Variants in KCNH7 observed in about 807,000 individuals in gnomAD.
The protein encoded by KCNH7 is voltage-gated inwardly rectifying potassium channel KCNH7.
A neutral mutation model predicts 120.8 loss-of-function variants in KCNH7; 49 were observed. The ratio of observed to expected loss-of-function variants is 0.41; its 90% CI spans 0.32 to 0.51. The LOEUF is 0.51. Among genes scored for constraint, KCNH7 ranks in the 20% least tolerant of loss-of-function variants. KCNH7 has a pLI of 0.38. For missense variants in KCNH7, 1,097 were observed against 1,446.6 expected (o/e 0.76, Z 3.92); for synonymous variants, 547 against 516.1 (o/e 1.06, Z -0.81).
chr2:162,623,776 G>T (rs185785288), intron 2 of KCNH7, among the ~76,000 whole-genome samples: 1 of 152,104 alleles, frequency 6.6e-6, no homozygotes. Flanking sequence ...CAGTGAATGC[G>T]CCTGGTACAC....
intron 15 of KCNH7, among the ~76,000 whole-genome samples, chr2:162,372,731 C>G (rs1686001327): frequency 6.6e-6 from 1 of 152,066 alleles, no homozygotes; most frequent in Non-Finnish European, 1.5e-5. Context: ...TTCTACAAAT[C>G]TTTATTTAAA....
At chr2:162,779,389 C>T (rs183727133) in intron 2 of KCNH7, among the ~76,000 whole-genome samples, 14 of 151,864 alleles carry the variant, frequency 9.2e-5, no homozygotes, top group African/African-American at 3.4e-4. Flanking sequence ...TTAGTAGAGA[C>T]GGGGTTTCAC....
chr2:162,512,443 G>C (rs968703525), intron 5 of KCNH7, among the ~76,000 whole-genome samples: 1 of 151,702 alleles, frequency 6.6e-6, no homozygotes, highest in Non-Finnish European at 1.5e-5. Flanking sequence ...ATTCTTGCAG[G>C]CAAAAGGAGC....
At chr2:162,481,282 GT>G (rs1448911729) in intron 6 of KCNH7, among the ~76,000 whole-genome samples, 10 of 152,104 alleles carry the variant, frequency 6.6e-5, no homozygotes, top group South Asian at 6.2e-4. Context: ...ATTATTTGCA[GT>G]TTTGCCTTGG....
intron 8 of KCNH7, among the ~76,000 whole-genome samples, chr2:162,426,792 A>ACACCTCTGT (rs1016841805): frequency 6.6e-6 from 1 of 152,138 alleles, no homozygotes. Flanking sequence ...ACAAATGTAT[A>ACACCTCTGT]CACCTCTGTA....
chr2:162,400,471 A>G (rs749895516), intron 9 of KCNH7, 30 bp from the exon 10 acceptor site: 11 of 1,607,758 alleles, frequency 6.8e-6, no homozygotes, highest in Middle Eastern at 3.3e-4. Context: ...GTTTCATACT[A>G]CCAGTGTTCT....
chr2:162,497,919 G>A (rs984585762), intron 6 of KCNH7, among the ~76,000 whole-genome samples: 1 of 152,062 alleles, frequency 6.6e-6, no homozygotes, highest in Non-Finnish European at 1.5e-5. Flanking sequence ...TAAATGTTGG[G>A]AATCTATTAT....
intron 2 of KCNH7, among the ~76,000 whole-genome samples, chr2:162,799,922 A>G (rs1048370385): frequency 2.3e-4 from 33 of 146,306 alleles, no homozygotes; most frequent in African/African-American, 8.2e-4. Flanking sequence ...GGGACTTTGC[A>G]TTATAAAGTA....
chr2:162,764,410 T>C (rs1321005500), intron 2 of KCNH7, among the ~76,000 whole-genome samples: 1 of 152,180 alleles, frequency 6.6e-6, no homozygotes, highest in East Asian at 1.9e-4. Flanking sequence ...TCATAATATT[T>C]TATAGACAGT....
At chr2:162,529,747 C>G (rs181819766) in intron 3 of KCNH7, among the ~76,000 whole-genome samples, 2 of 151,952 alleles carry the variant, frequency 1.3e-5, no homozygotes, top group South Asian at 2.1e-4. Context: ...CTATTGGCTC[C>G]TTTAAATGTG....
chr2:162,689,385 C>T (rs1009856070), intron 2 of KCNH7, among the ~76,000 whole-genome samples: 3 of 152,018 alleles, frequency 2.0e-5, no homozygotes, highest in Non-Finnish European at 2.9e-5. Context: ...CTCTTGACCT[C>T]AGGTGATCCA....
chr2:162,649,688 CAG>C (rs72190647), intron 2 of KCNH7, among the ~76,000 whole-genome samples: 21,066 of 149,954 alleles, frequency 0.14, 1,696 homozygotes, highest in East Asian at 0.33. Context: ...ATACTGGTAC[CAG>C]AGAGAGAGAG....
chr2:162,473,350 A>G (rs1403332384), intron 6 of KCNH7, among the ~76,000 whole-genome samples: 1 of 152,182 alleles, frequency 6.6e-6, no homozygotes, highest in African/African-American at 2.4e-5. Flanking sequence ...GTAAATTTCA[A>G]AAGCCCAAAT....
chr2:162,783,784 A>G (rs190916354), intron 2 of KCNH7, among the ~76,000 whole-genome samples: 132 of 152,356 alleles, frequency 8.7e-4, no homozygotes, highest in African/African-American at 2.9e-3. Flanking sequence ...AAAAGATGTC[A>G]TTAAAACTCA....
chr2:162,732,719 T>C (rs887461933), intron 2 of KCNH7, among the ~76,000 whole-genome samples: 1 of 152,204 alleles, frequency 6.6e-6, no homozygotes, highest in Non-Finnish European at 1.5e-5. Flanking sequence ...GAGGTTTGAA[T>C]AGCATGATGA....
At chr2:162,500,792 AAAATTTCCTGAC>A (rs1312393084) in intron 6 of KCNH7, among the ~76,000 whole-genome samples, 1 of 152,144 alleles carries the variant, frequency 6.6e-6, no homozygotes, top group Non-Finnish European at 1.5e-5. Context: ...AAACATGTTG[AAAATTTCCTGAC>A]AAAGAGAATC....
intron 2 of KCNH7, among the ~76,000 whole-genome samples, chr2:162,622,792 A>T (rs1416790989): frequency 6.6e-6 from 1 of 152,152 alleles, no homozygotes; most frequent in East Asian, 1.9e-4. Context: ...AGAATAAAAA[A>T]CTATTAGGGG....
chr2:162,576,607 AG>A (rs1216368056), intron 2 of KCNH7, among the ~76,000 whole-genome samples: 3 of 151,958 alleles, frequency 2.0e-5, no homozygotes, highest in Non-Finnish European at 4.4e-5. Flanking sequence ...CCCCCTCAAA[AG>A]AGTCCACCTC....
At chr2:162,807,137 G>A (rs1684568205) in intron 2 of KCNH7, among the ~76,000 whole-genome samples, 1 of 151,474 alleles carries the variant, frequency 6.6e-6, no homozygotes, top group South Asian at 2.1e-4. Flanking sequence ...AAGGCTAGGT[G>A]TGGTGGCTCA....
Sources: gnomAD v4.1 joint callset for allele counts (sites outside exome capture counted in the v4.1 genomes callset) on GRCh38, gnomAD v4.1.1 for gene constraint, MANE v1.5 for transcripts, NCBI Gene and HGNC (gene_info 2026-07-23, HGNC 2026-07-21) for gene names.